The following MTOR variants were observed in gnomAD, a reference collection of about 807,000 sequenced individuals.
MTOR encodes the protein serine/threonine-protein kinase mTOR.
A neutral mutation model predicts 319.8 loss-of-function variants in MTOR; 70 were observed. The ratio of observed to expected loss-of-function variants is 0.22; its 90% CI spans 0.18 to 0.27. MTOR has a LOEUF of 0.27. Ranked by LOEUF, MTOR falls within the 10% of genes least tolerant of loss-of-function variation. The pLI, the probability that MTOR is intolerant of heterozygous loss-of-function variation, is 1.00. For missense variants in MTOR, 1,890 were observed against 3,274.4 expected (o/e 0.58, Z 10.32); for synonymous variants, 1,183 against 1,211.4 (o/e 0.98, Z 0.49).
rs1429962941 is a variant in MTOR, at chr1:11,139,393, G to C, written c.5041C>G (p.Pro1681Ala). The change falls in exon 36 of 58, where the codon CCG becomes GCG. Residue 1681 changes from proline (P) to alanine (A), a missense_variant. This residue lies in a region of MTOR where 276 missense variants were observed against 459.4 expected (regional missense o/e 0.60). Transcript: ENST00000361445. ...KTLVLLLGVDPSRQLDHPLPT... is the reference protein window; with the variant it reads ...KTLVLLLGVDASRQLDHPLPT... The stretch of plus-strand genomic sequence containing the variant: ...AGAGGATGGTCAAGTTGCCGAGACG[G>C]ATCAACTCCCAGGAGCAACACTAAA... The C allele has an allele frequency of 6.2e-7, 1 of 1,613,830 alleles. No individual in the cohort carries two copies.
At chr1:11,204,004 G>C (rs1284905922) in intron 26 of MTOR, among the ~76,000 whole-genome samples, 1 of 152,184 alleles carries the variant, frequency 6.6e-6, no homozygotes, top group East Asian at 1.9e-4. Context: ...CCATGGAGAG[G>C]AACCAAGGCC....
intron 34 of MTOR, 73 bp downstream of exon 34, chr1:11,144,575 G>T: frequency 7.8e-7 from 1 of 1,284,368 alleles, no homozygotes. Flanking sequence ...AGCCAGGGTG[G>T]AGGGGGGCAC....
At chr1:11,233,181 T>C (rs1647079034) in intron 15 of MTOR, 3 of 875,124 alleles carry the variant, frequency 3.4e-6, no homozygotes, top group Non-Finnish European at 5.5e-6. Context: ...TATTACCATA[T>C]CAAGCTGAAA....
intron 29 of MTOR, among the ~76,000 whole-genome samples, chr1:11,164,521 T>C (rs988333734): frequency 4.6e-5 from 7 of 152,036 alleles, no homozygotes; most frequent in Non-Finnish European, 1.0e-4. Context: ...CCTGGACACA[T>C]ACACCCTCCC....
intron 6 of MTOR, among the ~76,000 whole-genome samples, chr1:11,251,860 C>G (rs1469095079): frequency 6.6e-6 from 1 of 152,070 alleles, no homozygotes. Flanking sequence ...GACAACCACT[C>G]TATGAGCTAG....
At position 11,127,600 on chromosome 1, in the gene MTOR, C is replaced by T. The variant is rs2100406218; in HGVS notation, c.6216+24G>A. 2 of 1,584,032 alleles carry T rather than the reference C, an allele frequency of 1.3e-6. No homozygotes were observed. Among genetic ancestry groups the T allele is most frequent in the Non-Finnish European group, 1.7e-6 (2 of 1,167,562 alleles). ...GCAGAATATTTCTACAGGGTTATGTCCTTTCGTGTTTTTTACCCCATACCT... is the reference window on the plus strand; with the variant it reads ...GCAGAATATTTCTACAGGGTTATGTTCTTTCGTGTTTTTTACCCCATACCT... On this transcript the variant is annotated intron_variant, in intron 44 of 57. Transcript: ENST00000361445. The surrounding 1 kb of genome is among the most constrained non-coding windows in gnomAD (Gnocchi z 5.5).
chr1:11,186,178 T>C (rs1645316718), intron 28 of MTOR, among the ~76,000 whole-genome samples: 1 of 151,426 alleles, frequency 6.6e-6, no homozygotes, highest in African/African-American at 2.4e-5. Context: ...AAGTGAAATA[T>C]TCCTTTGAGA....
intron 17 of MTOR, 45 bp downstream of exon 17, chr1:11,231,255 C>T (rs371075972): frequency 3.3e-5 from 53 of 1,610,824 alleles, no homozygotes; most frequent in Admixed American, 5.0e-5. Flanking sequence ...CTCTTGCCAT[C>T]GTCCCAGCAA....
At chr1:11,113,766 C>A (rs1383310968) in intron 53 of MTOR, among the ~76,000 whole-genome samples, 1 of 152,162 alleles carries the variant, frequency 6.6e-6, no homozygotes, top group Non-Finnish European at 1.5e-5. Flanking sequence ...GCATGTGCCA[C>A]TGTACCCACC....
chr1:11,170,480 T>C (rs1026971990), intron 28 of MTOR, among the ~76,000 whole-genome samples: 5 of 151,698 alleles, frequency 3.3e-5, no homozygotes, highest in African/African-American at 4.9e-5. Context: ...CTTTGGGAGG[T>C]TGAGGCAGGA....
At position 11,254,122 on chromosome 1, in the gene MTOR, C is replaced by G. The variant is rs533873382; in HGVS notation, c.706-149G>C. The G allele has an allele frequency of 2.8e-5, 25 of 907,268 alleles. No homozygotes were observed. The Admixed American group carries it at 3.6e-4, about 13-fold the overall frequency. The allele number at this position is 907,268 out of a possible 1,614,324, so 56.2% of individuals were successfully genotyped here. The stretch of plus-strand genomic sequence containing the variant: ...TCATCAACAAAACTAACTGATCAAT[C>G]TCTTTTATTTAATTCAGCTTCAATT... On this transcript the variant is annotated intron_variant, in intron 5 of 57. Coordinates refer to ENST00000361445, the MANE Select transcript of MTOR (RefSeq NM_004958.4).
chr1:11,241,678 C>T lies in MTOR; in HGVS notation c.1416G>A (p.Arg472=), dbSNP rs560471957. Residue 472 remains arginine (R), a synonymous_variant, in exon 10 of 58, where the codon AGG becomes AGA. Coordinates refer to ENST00000361445, the MANE Select transcript of MTOR (RefSeq NM_004958.4). The part of the protein sequence containing the change: ...ALPPKDFAHK[R]QKAMQVDATV... ...TGGCATCCACCTGCATTGCCTTCTG[C>T]CTCCTGTAGAGAAATGGAGAGTGGC... 3 of 1,611,950 alleles carry T rather than the reference C, an allele frequency of 1.9e-6. No individual in the cohort carries two copies. The highest frequency in any genetic ancestry group is 1.3e-5 in the African/African-American group (1 of 74,990).
chr1:11,135,916 C>G (rs910183796), intron 36 of MTOR, among the ~76,000 whole-genome samples: 4 of 151,730 alleles, frequency 2.6e-5, no homozygotes, highest in Admixed American at 2.6e-4. Context: ...GGGTGGATCA[C>G]CTGAGGTCAG....
At chr1:11,206,181 T>C (rs999807281) in intron 25 of MTOR, among the ~76,000 whole-genome samples, 1 of 152,246 alleles carries the variant, frequency 6.6e-6, no homozygotes, top group Admixed American at 6.5e-5. Flanking sequence ...AGTCCTTTCC[T>C]GCCCACAGAT....
chr1:11,239,902 C>CAA (rs36052220), intron 11 of MTOR, among the ~76,000 whole-genome samples: 3,705 of 121,850 alleles, frequency 0.03, 137 homozygotes, highest in African/African-American at 0.075. Flanking sequence ...GACTTTGTCT[C>CAA]AAAAAAAAAA....
intron 47 of MTOR, among the ~76,000 whole-genome samples, chr1:11,122,506 T>C (rs993101378): frequency 2.1e-5 from 3 of 141,638 alleles, no homozygotes; most frequent in African/African-American, 8.0e-5. Flanking sequence ...AGCCCTATTT[T>C]TTTTTTTTTT....
rs2100509095 is a variant in MTOR at position 11,144,948 on chromosome 1, G to A, written c.4764+20C>T. ...AAATAAGCCTCAAAAATGACAATGT[G>A]CAGAATAGTTGACACTTACCCCATA... On this transcript the variant is annotated intron_variant, in intron 33 of 57. Coordinates refer to ENST00000361445, the MANE Select transcript of MTOR (RefSeq NM_004958.4). The A allele has an allele frequency of 6.2e-7, 1 of 1,611,256 alleles. No individual in the cohort carries two copies. Among genetic ancestry groups the A allele is most frequent in the Non-Finnish European group, 8.5e-7 (1 of 1,177,424 alleles).
chr1:11,239,902 CAA>C (rs36052220), intron 11 of MTOR, among the ~76,000 whole-genome samples: 478 of 121,886 alleles, frequency 3.9e-3, no homozygotes, highest in Admixed American at 0.011. Context: ...GACTTTGTCT[CAA>C]AAAAAAAAAA....
chr1:11,164,800 A>G (rs1644591416), intron 29 of MTOR, among the ~76,000 whole-genome samples: 1 of 152,196 alleles, frequency 6.6e-6, no homozygotes, highest in Non-Finnish European at 1.5e-5. Context: ...CAACAAAACA[A>G]GAGAATTTTA....
Sources: allele counts gnomAD v4.1 joint callset (sites outside exome capture counted in the v4.1 genomes callset), GRCh38; gene constraint gnomAD v4.1.1; regional missense constraint gnomAD v4.1.1; non-coding constraint Gnocchi (gnomAD v3.1); transcripts MANE v1.5; gene names NCBI Gene and HGNC (gene_info 2026-07-23, HGNC 2026-07-21).